The following IL4I1 variants were observed in gnomAD, a reference collection of about 807,000 sequenced individuals.
IL4I1 encodes interleukin 4 induced 1.
A neutral mutation model predicts 29.7 loss-of-function variants in IL4I1; 24 were observed. The observed-to-expected ratio is 0.81, with a 90% CI of 0.59 to 1.14. IL4I1 has a LOEUF of 1.14. Among genes scored for constraint, IL4I1 ranks in the 50% most tolerant of loss-of-function variants. IL4I1 has a pLI of 0.00. For missense variants in IL4I1, 686 were observed against 785.6 expected (o/e 0.87, Z 1.52); for synonymous variants, 371 against 352.5 (o/e 1.05, Z -0.59).
Position 49,908,919 on chromosome 19 carries a change from G to A in IL4I1, c.-227-4598C>T. On this transcript the variant is annotated intron_variant, in intron 2 of 9. Coordinates refer to the IL4I1 transcript ENST00000341114. The stretch of plus-strand genomic sequence containing the variant: ...TTGCTGGGGATCCCGGCTGGCGCCA[G>A]TGGTTTTAAATTCAAGGCAAAGCCG... 1.2e-6 allele frequency: 2 copies of A among 1,608,076 alleles called. No homozygotes were observed. Among genetic ancestry groups the A allele is most frequent in the Non-Finnish European group, 1.7e-6 (2 of 1,177,730 alleles).
chr19:49,891,561 G>T, intron 5 of IL4I1, 88 bp from the exon 6 acceptor site: 2 of 1,198,656 alleles, frequency 1.7e-6, no homozygotes, highest in Non-Finnish European at 1.2e-6. Context: ...GCTTCTCCTC[G>T]TGGTTCTGCC....
chr19:49,902,335 C>G (rs969288077), intron 3 of IL4I1, among the ~76,000 whole-genome samples: 2 of 148,950 alleles, frequency 1.3e-5, no homozygotes, highest in Non-Finnish European at 3.0e-5. Context: ...ATATCATTAT[C>G]ATATTTTAAG....
At chr19:49,918,675 C>CG (rs1204662724) in intron 2 of IL4I1, 1 of 152,206 alleles carries the variant, frequency 6.6e-6, no homozygotes, top group Non-Finnish European at 1.5e-5. Flanking sequence ...GTCAGCTCCT[C>CG]GGGGGAGAAG....
intron 2 of IL4I1, among the ~76,000 whole-genome samples, chr19:49,920,227 C>T (rs542516799): frequency 2.6e-5 from 4 of 152,266 alleles, no homozygotes; most frequent in African/African-American, 4.8e-5. Flanking sequence ...GGACTACAGG[C>T]GCGTGCCACC....
At chr19:49,895,010 C>A in intron 4 of IL4I1, 58 bp downstream of exon 4, 1 of 1,321,974 alleles carries the variant, frequency 7.6e-7, no homozygotes, top group Non-Finnish European at 1.1e-6. Flanking sequence ...CTGGTGTGGG[C>A]ATGGAGCTGG....
chr19:49,926,528 T>G (rs551899187), intron 2 of IL4I1, among the ~76,000 whole-genome samples: 28 of 139,794 alleles, frequency 2.0e-4, no homozygotes, highest in African/African-American at 6.6e-4. Flanking sequence ...AGACTCTGTC[T>G]CAAAAAAACC....
chr19:49,902,740 G>T (rs1354988464), intron 3 of IL4I1, among the ~76,000 whole-genome samples: 1 of 151,858 alleles, frequency 6.6e-6, no homozygotes, highest in African/African-American at 2.4e-5. Context: ...TGAGGCAGGA[G>T]AATCACTTGA....
chr19:49,915,159 G>A (rs959176484), intron 2 of IL4I1, among the ~76,000 whole-genome samples: 2 of 152,098 alleles, frequency 1.3e-5, no homozygotes, highest in Non-Finnish European at 2.9e-5. Flanking sequence ...TATGTGTGTG[G>A]GGGGGTAGAC....
chr19:49,889,777 C>G lies in IL4I1; in HGVS notation c.1597G>C (p.Val533Leu). The G allele has an allele frequency of 6.5e-7, 1 of 1,532,840 alleles. No homozygotes were observed. The highest frequency in any genetic ancestry group is 1.3e-5 in the South Asian group (1 of 78,654). The allele number at this position is 1,532,840 out of a possible 1,614,324, so 95.0% of individuals were successfully genotyped here. Residue 533 changes from valine to leucine, a missense_variant, in exon 8 of 8, where the codon GTG becomes CTG. Val to Leu is a conservative substitution (Grantham distance 32, BLOSUM62 1). Coordinates refer to ENST00000391826, the MANE Select transcript of IL4I1 (RefSeq NM_152899.2). The stretch of plus-strand genomic sequence containing the variant: ...AGGTCATGCGAGGGGCTGCTGGCCA[C>G]CCCATGCACATGCCCCTGCCCCTCC... Reference protein sequence around the residue: ...DMEGQGHVHGVASSPSHDLAK... With the variant: ...DMEGQGHVHGLASSPSHDLAK...
At chr19:49,902,791 C>T (rs2075282512) in intron 3 of IL4I1, among the ~76,000 whole-genome samples, 1 of 150,904 alleles carries the variant, frequency 6.6e-6, no homozygotes, top group Admixed American at 6.6e-5. Context: ...GATCATGCCA[C>T]TCCAGCCTAG....
intron 5 of IL4I1, among the ~76,000 whole-genome samples, chr19:49,891,775 A>G (rs2075143160): frequency 1.3e-5 from 2 of 152,208 alleles, no homozygotes; most frequent in Admixed American, 1.3e-4. Flanking sequence ...TCAGCCAGCC[A>G]GCCAGACTGT....
At chr19:49,910,564 C>T (rs1306237156) in intron 2 of IL4I1, among the ~76,000 whole-genome samples, 1 of 152,106 alleles carries the variant, frequency 6.6e-6, no homozygotes, top group African/African-American at 2.4e-5. Context: ...TCGGAGCCTC[C>T]CCTGGGGTTT....
chr19:49,903,928 C>A (rs2075293493), intron 3 of IL4I1, among the ~76,000 whole-genome samples: 2 of 144,926 alleles, frequency 1.4e-5, no homozygotes. Flanking sequence ...CAATGTCTGC[C>A]TCCCAGGTTC....
chr19:49,927,140 C>G (rs981891692), intron 2 of IL4I1, among the ~76,000 whole-genome samples: 2 of 152,164 alleles, frequency 1.3e-5, no homozygotes, highest in Non-Finnish European at 2.9e-5. Context: ...GGACTACAGG[C>G]ATGAGCCACC....
At position 49,889,991 on chromosome 19, in the gene IL4I1, G is replaced by T. The variant is rs2075108109; in HGVS notation, c.1383C>A (p.Leu461=). 1.3e-6 allele frequency: 2 copies of T among 1,560,286 alleles called. No individual in the cohort carries two copies. Among genetic ancestry groups the T allele is most frequent in the East Asian group, 2.4e-5 (1 of 41,394 alleles). Residue 461 remains leucine (L), a synonymous_variant, in exon 8 of 8, where the codon CTC becomes CTA. Coordinates refer to ENST00000391826, the MANE Select transcript of IL4I1 (RefSeq NM_152899.2). ...TCCAGTCATCCTTTTCGGTTTGCCA[G>T]AGCGCCGGCGGCTGTACCACAAAGC... is the stretch of plus-strand genomic sequence containing the variant. ...QGGFVVQPPA[L]WQTEKDDWTV... is the part of the protein sequence containing the mutation.
At chr19:49,926,630 C>A (rs893166496) in intron 2 of IL4I1, among the ~76,000 whole-genome samples, 2 of 152,208 alleles carry the variant, frequency 1.3e-5, no homozygotes, top group African/African-American at 4.8e-5. Flanking sequence ...AGATAGGGCA[C>A]GTCTGTGCGT....
chr19:49,924,457 C>T (rs900507186), intron 2 of IL4I1, among the ~76,000 whole-genome samples: 23 of 152,206 alleles, frequency 1.5e-4, no homozygotes, highest in Non-Finnish European at 4.4e-5. Context: ...CCCGAACTCC[C>T]CGTCCCCGTC....
In IL4I1 at chr19:49,890,955, C is replaced by CCCCCCA; in HGVS notation, c.773+15_773+16insTGGGGG. 7.6e-7 allele frequency: 1 copy of CCCCCCA among 1,313,794 alleles called. No individual in the cohort carries two copies. The highest frequency in any genetic ancestry group is 1.0e-6 in the Non-Finnish European group (1 of 996,376). 81.4% of individuals were successfully genotyped at this position (1,313,794 alleles called of 1,614,324 possible). A position where few individuals can be genotyped will look rare whatever the true frequency, so the allele number is the denominator to read the frequency against. ...CCCCCCGCCCCCCCCCCCTGCCCGC[C>CCCCCCA]AGCCCCGCCCCTTACTGGAGTCTGT... On this transcript the variant is annotated intron_variant, in intron 7 of 7. Coordinates refer to ENST00000391826, the MANE Select transcript of IL4I1 (RefSeq NM_152899.2).
At chr19:49,916,360 T>A (rs952403284) in intron 2 of IL4I1, among the ~76,000 whole-genome samples, 1 of 151,086 alleles carries the variant, frequency 6.6e-6, no homozygotes, top group Non-Finnish European at 1.5e-5. Flanking sequence ...TTGTATTTTT[T>A]TTTTTTTTTT....
Sources: gnomAD v4.1 joint callset for allele counts (sites outside exome capture counted in the v4.1 genomes callset) on GRCh38, gnomAD v4.1.1 for gene constraint, MANE v1.5 for transcripts, NCBI Gene and HGNC (gene_info 2026-07-23, HGNC 2026-07-21) for gene names.